NCALD: variants seen among roughly 807,000 people sequenced by gnomAD.
NCALD encodes neurocalcin delta, also known as neurocalcin-delta.
In NCALD, 10 loss-of-function variants were observed where a neutral mutation model predicts 18.6. That is an observed-to-expected ratio of 0.54 (90% CI 0.33 to 0.91). The LOEUF is 0.91. NCALD is among the 40% of genes least tolerant of loss of function. The pLI, the probability that NCALD is intolerant of heterozygous loss-of-function variation, is 0.03. For missense variants in NCALD, 184 were observed against 247.6 expected (o/e 0.74, Z 1.72); for synonymous variants, 88 against 87.4 (o/e 1.01, Z -0.04).
In NCALD at chr8:101,843,582, G is replaced by GTTTTTTTTGTT. The variant is rs1173372117; in HGVS notation, c.-20+43558_-20+43559insAACAAAAAAAA. ...TCTGTTCTATGAATCTTTAAAAATT[G>GTTTTTTTTGTT]TTTTTTTTTTTTTTGAGACAGTCTT... is the stretch of plus-strand genomic sequence containing the variant. On this transcript the variant is annotated intron_variant, in intron 4 of 6. Coordinates refer to the NCALD transcript ENST00000311028. 7.0e-3 allele frequency among the ~76,000 whole-genome samples: 873 copies of GTTTTTTTTGTT among 125,142 alleles called. 52 individuals carry two copies. Among genetic ancestry groups the GTTTTTTTTGTT allele is most frequent in the African/African-American group, 0.027 (828 of 30,700 alleles). The allele number at this position is 125,142 out of a possible 152,430, so 82.1% of individuals were successfully genotyped here.
rs115660244 is a variant in NCALD at position 101,945,423 on chromosome 8, C to T, written c.-156-29565G>A. ...AAGCAAACAAGCTTATAAACACAAACCGTGACAAGTTATTCAAAGGAAAAT... is the reference window on the plus strand; with the variant it reads ...AAGCAAACAAGCTTATAAACACAAATCGTGACAAGTTATTCAAAGGAAAAT... On this transcript the variant is annotated intron_variant, in intron 2 of 6. Transcript: ENST00000311028. Among the ~76,000 whole-genome samples, 1,268 of 152,158 alleles carry T rather than the reference C, an allele frequency of 8.3e-3. 13 individuals are homozygous for T. The highest frequency in any genetic ancestry group is 0.024 in the Middle Eastern group (7 of 294).
intron 1 of NCALD, among the ~76,000 whole-genome samples, chr8:101,746,677 AT>A (rs1322898065): frequency 1.3e-5 from 2 of 151,892 alleles, no homozygotes; most frequent in African/African-American, 4.8e-5. Context: ...AGTACCCCAA[AT>A]GATCATCACC....
intron 1 of NCALD, among the ~76,000 whole-genome samples, chr8:102,111,353 C>G (rs1299923790): frequency 6.6e-6 from 1 of 151,970 alleles, no homozygotes; most frequent in African/African-American, 2.4e-5. Context: ...CACTGACTTC[C>G]CACATCCCCA....
chr8:101,947,280 C>T (rs751614743), intron 2 of NCALD, among the ~76,000 whole-genome samples: 3 of 152,186 alleles, frequency 2.0e-5, no homozygotes, highest in Non-Finnish European at 4.4e-5. Context: ...ATGATAACAT[C>T]TGCTTATTAT....
At chr8:101,996,513 A>G (rs1474671842) in intron 2 of NCALD, among the ~76,000 whole-genome samples, 3 of 152,204 alleles carry the variant, frequency 2.0e-5, no homozygotes, top group African/African-American at 7.2e-5. Context: ...TTGGTTACTG[A>G]CAGGGGTTTT....
At chr8:101,831,049 A>G (rs1257064491) in intron 4 of NCALD, among the ~76,000 whole-genome samples, 4 of 152,078 alleles carry the variant, frequency 2.6e-5, no homozygotes, top group Non-Finnish European at 5.9e-5. Context: ...AGTGTACATG[A>G]TGTGGGGCTG....
rs187774225 is a variant in NCALD at position 102,123,440 on chromosome 8, A to G, written c.-210+797T>C. The stretch of plus-strand genomic sequence containing the variant: ...TTCTTTCTCCATGCACAAAAGTTAA[A>G]GCAAGCATCTGCAGCATTAGAAAAA... On this transcript the variant is annotated intron_variant, in intron 1 of 6. Transcript: ENST00000311028. Among the ~76,000 whole-genome samples, 270 of 148,266 alleles carry G rather than the reference A, an allele frequency of 1.8e-3. 2 individuals are homozygous for G. Among genetic ancestry groups the G allele is most frequent in the African/African-American group, 6.3e-3 (253 of 40,032 alleles).
intron 2 of NCALD, among the ~76,000 whole-genome samples, chr8:102,004,803 G>A (rs564530838): frequency 0.04 from 6,026 of 152,128 alleles, 154 homozygotes; most frequent in East Asian, 0.092. Flanking sequence ...TTAATAAATG[G>A]TGCTGGGAAA....
intron 1 of NCALD, among the ~76,000 whole-genome samples, chr8:101,776,165 G>A (rs1224393374): frequency 6.6e-6 from 1 of 152,124 alleles, no homozygotes; most frequent in Non-Finnish European, 1.5e-5. Flanking sequence ...TATTCCCAAA[G>A]ACAAGAGATG....
At chr8:101,738,800 G>A (rs923428075) in intron 1 of NCALD, among the ~76,000 whole-genome samples, 2 of 152,052 alleles carry the variant, frequency 1.3e-5, no homozygotes, top group Admixed American at 6.6e-5. Flanking sequence ...CTGATGCATC[G>A]GGGTTTTTGT....
intron 1 of NCALD, among the ~76,000 whole-genome samples, chr8:101,763,109 G>A (rs1416536585): frequency 6.6e-6 from 1 of 152,146 alleles, no homozygotes; most frequent in East Asian, 1.9e-4. Context: ...ATCAGGCACT[G>A]TGCTAGGCAT....
intron 2 of NCALD, among the ~76,000 whole-genome samples, chr8:101,947,888 G>A (rs1819238605): frequency 6.6e-6 from 1 of 152,214 alleles, no homozygotes; most frequent in African/African-American, 2.4e-5. Context: ...ACGTGCAAAG[G>A]TCCTGAGGCA....
At chr8:101,742,982 G>A (rs1326009220) in intron 1 of NCALD, among the ~76,000 whole-genome samples, 5 of 152,146 alleles carry the variant, frequency 3.3e-5, no homozygotes, top group Admixed American at 6.5e-5. Context: ...CTCCATCCAC[G>A]TCCCTGCAAA....
chr8:101,719,252 C>T lies in NCALD; in HGVS notation c.378G>A (p.Gln126=). Residue 126 remains glutamine (Q), a splice_region_variant and synonymous_variant, in exon 2 of 4, where the codon CAG becomes CAA. Coordinates refer to ENST00000220931, the MANE Select transcript of NCALD (RefSeq NM_032041.3). ...TTTTTAAAGGGCTCAGTCTACGTAC[C>T]TGCACGATCTCTAGCATCTCTGCCT... is the stretch of plus-strand genomic sequence containing the variant. ...ISKAEMLEIV[Q]AIYKMVSSVM... The T allele has an allele frequency of 6.2e-7, 1 of 1,612,996 alleles. No individual in the cohort carries two copies. Among genetic ancestry groups the T allele is most frequent in the Non-Finnish European group, 8.5e-7 (1 of 1,179,490 alleles).
intron 2 of NCALD, among the ~76,000 whole-genome samples, chr8:101,976,774 C>G (rs1014509888): frequency 6.6e-6 from 1 of 151,952 alleles, no homozygotes. Context: ...GCACAGTCTA[C>G]CCCCCTGCCC....
intron 1 of NCALD, among the ~76,000 whole-genome samples, chr8:101,726,547 A>G (rs150526972): frequency 2.0e-5 from 3 of 152,348 alleles, no homozygotes; most frequent in South Asian, 2.1e-4. Flanking sequence ...CTAAGAAACT[A>G]TAAGGATAAA....
chr8:101,757,897 T>C (rs1810954364), intron 1 of NCALD, among the ~76,000 whole-genome samples: 1 of 152,140 alleles, frequency 6.6e-6, no homozygotes, highest in Non-Finnish European at 1.5e-5. Context: ...TAACAATTTT[T>C]TTAGAGCCTC....
At chr8:102,044,044 C>T (rs1823151335) in intron 1 of NCALD, among the ~76,000 whole-genome samples, 1 of 151,892 alleles carries the variant, frequency 6.6e-6, no homozygotes, top group Non-Finnish European at 1.5e-5. Flanking sequence ...TCTCTGAGCA[C>T]CAACACATGA....
At chr8:102,063,426 G>C (rs1823908808) in intron 1 of NCALD, among the ~76,000 whole-genome samples, 1 of 152,112 alleles carries the variant, frequency 6.6e-6, no homozygotes, top group South Asian at 2.1e-4. Context: ...CAATGCTCCA[G>C]AAAATCCAAA....
Sources: allele counts gnomAD v4.1 joint callset (sites outside exome capture counted in the v4.1 genomes callset), GRCh38; gene constraint gnomAD v4.1.1; transcripts MANE v1.5; gene names NCBI Gene and HGNC (gene_info 2026-07-23, HGNC 2026-07-21).